ASIC2: variants seen among roughly 807,000 people sequenced by gnomAD.
ASIC2 encodes the protein acid sensing ion channel subunit 2.
In ASIC2, 25 loss-of-function variants were observed where a neutral mutation model predicts 57.3. The ratio of observed to expected loss-of-function variants is 0.44; its 90% confidence interval spans 0.32 to 0.61. The LOEUF (loss-of-function observed/expected upper bound fraction) is 0.61, where lower values mean the gene tolerates loss of function less well. ASIC2 is among the 20% of genes least tolerant of loss of function. The probability of loss-of-function intolerance (pLI) is 0.06; values close to 1 mark genes in which losing one functional copy is unlikely to be tolerated. For synonymous variants in ASIC2, 319 were observed against 307.5 expected (o/e 1.04, Z -0.39); for missense variants, 641 against 738.1 (o/e 0.87, Z 1.52).
chr17:33,587,907 T>C (rs951487999), intron 1 of ASIC2, among the ~76,000 whole-genome samples: 1 of 152,188 alleles, frequency 6.6e-6, no homozygotes, highest in African/African-American at 2.4e-5. Context: ...GCCTTGACCA[T>C]GTAACATAAC....
At chr17:33,890,757 C>G (rs905873630) in intron 1 of ASIC2, among the ~76,000 whole-genome samples, 1 of 152,192 alleles carries the variant, frequency 6.6e-6, no homozygotes, top group African/African-American at 2.4e-5. Flanking sequence ...GCTGCTTTCA[C>G]TCTCTGCAGG....
At chr17:33,628,466 A>T (rs542004792) in intron 1 of ASIC2, among the ~76,000 whole-genome samples, 216 of 146,952 alleles carry the variant, frequency 1.5e-3, no homozygotes, top group African/African-American at 5.1e-3. Flanking sequence ...TAGTTTTTAA[A>T]TTTTTTTTTT....
intron 1 of ASIC2, among the ~76,000 whole-genome samples, chr17:33,594,309 C>CA (rs1439290102): frequency 1.3e-5 from 2 of 152,232 alleles, no homozygotes; most frequent in African/African-American, 2.4e-5. Flanking sequence ...GGCCAACCCC[C>CA]ATCTCATACC....
intron 1 of ASIC2, among the ~76,000 whole-genome samples, chr17:33,800,228 CCAG>C (rs1912091291): frequency 6.6e-6 from 1 of 152,162 alleles, no homozygotes; most frequent in Non-Finnish European, 1.5e-5. Context: ...GTCAGCTTTG[CCAG>C]TCTGCTTCCG....
At chr17:33,184,569 T>C (rs1906113209) in intron 1 of ASIC2, among the ~76,000 whole-genome samples, 1 of 152,200 alleles carries the variant, frequency 6.6e-6, no homozygotes, top group Admixed American at 6.5e-5. Flanking sequence ...CTGGGGATCA[T>C]CTGGTCAGAG....
intron 1 of ASIC2, among the ~76,000 whole-genome samples, chr17:33,586,318 T>C (rs1248710217): frequency 6.6e-6 from 1 of 152,210 alleles, no homozygotes; most frequent in Non-Finnish European, 1.5e-5. Flanking sequence ...GGGGGACCTA[T>C]TGTAACCTGC....
chr17:33,346,013 G>A (rs745689942), intron 1 of ASIC2, among the ~76,000 whole-genome samples: 29 of 151,938 alleles, frequency 1.9e-4, no homozygotes, highest in African/African-American at 6.8e-4. Context: ...AATCATTTGA[G>A]GTCAGAAGCT....
intron 3 of ASIC2, among the ~76,000 whole-genome samples, chr17:33,084,925 GC>G (rs1179039984): frequency 2.6e-5 from 4 of 152,170 alleles, no homozygotes; most frequent in Admixed American, 1.3e-4. Flanking sequence ...CTGGGTTGTA[GC>G]CCAAGAGTAT....
At chr17:33,756,978 T>C (rs1161071412) in intron 1 of ASIC2, among the ~76,000 whole-genome samples, 1 of 152,210 alleles carries the variant, frequency 6.6e-6, no homozygotes, top group Non-Finnish European at 1.5e-5. Context: ...AGAATCCATT[T>C]CCTTGCCTCT....
At chr17:33,686,360 G>A (rs925850346) in intron 1 of ASIC2, among the ~76,000 whole-genome samples, 2 of 152,166 alleles carry the variant, frequency 1.3e-5, no homozygotes, top group African/African-American at 4.8e-5. Flanking sequence ...GGTACTTTGC[G>A]GGTGAGGGTG....
At chr17:33,625,280 G>A (rs188031910) in intron 1 of ASIC2, among the ~76,000 whole-genome samples, 1 of 152,214 alleles carries the variant, frequency 6.6e-6, no homozygotes, top group Admixed American at 6.5e-5. Context: ...AGTAGAGGAA[G>A]TCAGCTTCAT....
At chr17:34,011,713 G>A (rs1426180676) in intron 1 of ASIC2, among the ~76,000 whole-genome samples, 1 of 152,100 alleles carries the variant, frequency 6.6e-6, no homozygotes, top group Non-Finnish European at 1.5e-5. Flanking sequence ...GGGGCTAATT[G>A]CCAAATCAAA....
At chr17:34,089,596 C>T (rs1275118379) in intron 1 of ASIC2, among the ~76,000 whole-genome samples, 2 of 152,194 alleles carry the variant, frequency 1.3e-5, no homozygotes, top group Non-Finnish European at 2.9e-5. Context: ...GGGACAAATG[C>T]AGGATTGATT....
intron 1 of ASIC2, chr17:34,155,838 A>G: frequency 3.2e-6 from 3 of 942,576 alleles, no homozygotes; most frequent in South Asian, 3.4e-5. Context: ...ACTCTGACCA[A>G]CTACCCTCGT....
At chr17:33,932,863 T>C (rs1451324706) in intron 1 of ASIC2, among the ~76,000 whole-genome samples, 1 of 151,436 alleles carries the variant, frequency 6.6e-6, no homozygotes. Context: ...TGGGCAATGC[T>C]GTCCTAGAAG....
chr17:34,097,997 A>ATG (rs1258523868), intron 1 of ASIC2, among the ~76,000 whole-genome samples: 1 of 152,164 alleles, frequency 6.6e-6, no homozygotes, highest in African/African-American at 2.4e-5. Context: ...AGATCTGATC[A>ATG]TGTGGAGAGC....
intron 1 of ASIC2, among the ~76,000 whole-genome samples, chr17:33,816,340 A>ATGAATGAATGCATGAATGAG (rs1227351186): frequency 6.6e-6 from 1 of 152,204 alleles, no homozygotes; most frequent in African/African-American, 2.4e-5. Flanking sequence ...GTCTAAAAGC[A>ATGAATGAATGCATGAATGAG]TGAATGAATG....
intron 1 of ASIC2, among the ~76,000 whole-genome samples, chr17:33,718,500 T>A (rs772790831): frequency 3.9e-5 from 6 of 152,014 alleles, no homozygotes; most frequent in Non-Finnish European, 5.9e-5. Flanking sequence ...TTGTAGTAGG[T>A]CCTGCCTCCC....
At chr17:33,223,883 C>G (rs1180743571) in intron 1 of ASIC2, among the ~76,000 whole-genome samples, 1 of 152,196 alleles carries the variant, frequency 6.6e-6, no homozygotes, top group East Asian at 1.9e-4. Flanking sequence ...GAGACCTAGA[C>G]TCTGTCTTAG....
Sources: allele counts gnomAD v4.1 joint callset (sites outside exome capture counted in the v4.1 genomes callset), GRCh38; gene constraint gnomAD v4.1.1; transcripts MANE v1.5; gene names NCBI Gene and HGNC (gene_info 2026-07-23, HGNC 2026-07-21).